Variants in POC1B observed in about 807,000 individuals in gnomAD.
The protein encoded by POC1B is POC1 centriolar protein homolog B.
In POC1B, 44 loss-of-function variants were observed where a neutral mutation model predicts 60.6. That is an observed-to-expected ratio of 0.73 (90% CI 0.57 to 0.93). The LOEUF (loss-of-function observed/expected upper bound fraction) is 0.93. Ranked by LOEUF, POC1B falls within the 40% of genes least tolerant of loss-of-function variation. The pLI is 0.00. For synonymous variants in POC1B, 180 were observed against 198.9 expected, an observed-to-expected ratio of 0.90 and a Z score of 0.80; for missense variants, 555 against 572.3, an observed-to-expected ratio of 0.97 and a Z score of 0.31.
intron 10 of POC1B, chr12:89,428,231 T>C (rs1401018624): frequency 2.6e-5 from 4 of 152,326 alleles, no homozygotes; most frequent in Non-Finnish European, 5.9e-5. Context: ...AAACATTGCT[T>C]CTGCTCTGCC....
chr12:89,501,774 G>A, intron 2 of POC1B: 2 of 981,906 alleles, frequency 2.0e-6, no homozygotes, highest in Non-Finnish European at 1.6e-6. Flanking sequence ...ACAACAGTAG[G>A]CAAAAATCTG....
chr12:89,447,886 A>T (rs1334000690), intron 10 of POC1B, among the ~76,000 whole-genome samples: 1 of 152,088 alleles, frequency 6.6e-6, no homozygotes, highest in East Asian at 1.9e-4. Context: ...CAGCTCTATG[A>T]TATAATCAGT....
In POC1B at chr12:89,521,098, A is replaced by ATTTTTTT. The variant is rs201411448; in HGVS notation, c.100+4021_100+4022insAAAAAAA. Reference sequence around the variant, plus strand: ...CACTTCAGGTGAGTTCAGCTCACTTATTTTATTATTATTTTTTTTTTTTGA... The same window carrying ATTTTTTT: ...CACTTCAGGTGAGTTCAGCTCACTTATTTTTTTTTTTATTATTATTTTTTTTTTTTGA... On this transcript the variant is annotated intron_variant, in intron 2 of 11. Coordinates refer to ENST00000313546, the MANE Select transcript of POC1B (RefSeq NM_172240.3). 5.3e-5 allele frequency: 6 copies of ATTTTTTT among 113,248 alleles called. 2 individuals carry two copies. The highest frequency in any genetic ancestry group is 1.0e-4 in the African/African-American group (3 of 28,634). 7.0% of individuals were successfully genotyped at this position (113,248 alleles called of 1,614,324 possible). A position where few individuals can be genotyped will look rare whatever the true frequency, so the allele number is the denominator to read the frequency against.
intron 10 of POC1B, among the ~76,000 whole-genome samples, chr12:89,439,218 T>C (rs561608474): frequency 6.6e-6 from 1 of 152,326 alleles, no homozygotes; most frequent in Non-Finnish European, 1.5e-5. Context: ...TGAAAACGCC[T>C]GCATGCCTGA....
At chr12:89,511,295 C>T (rs1334848357) in intron 2 of POC1B, among the ~76,000 whole-genome samples, 1 of 151,538 alleles carries the variant, frequency 6.6e-6, no homozygotes, top group East Asian at 2.0e-4. Context: ...CACTGTGTTG[C>T]ACACCAGCTA....
intron 2 of POC1B, among the ~76,000 whole-genome samples, chr12:89,505,622 G>A (rs1869856126): frequency 6.6e-6 from 1 of 152,172 alleles, no homozygotes; most frequent in Non-Finnish European, 1.5e-5. Context: ...TGCTGGTAAT[G>A]TTATGCTTCT....
intron 2 of POC1B, chr12:89,523,210 G>GC (rs759235630): frequency 8.1e-6 from 13 of 1,613,962 alleles, no homozygotes; most frequent in Non-Finnish European, 5.1e-6. Context: ...ACTGCGAATA[G>GC]CCCCATGCCA....
At chr12:89,429,449 G>A (rs1880931369) in intron 10 of POC1B, 1 of 152,146 alleles carries the variant, frequency 6.6e-6, no homozygotes, top group Non-Finnish European at 1.5e-5. Flanking sequence ...AGGTACAAAG[G>A]GAAAAACATG....
At chr12:89,423,754 C>T (rs1196349192) in intron 11 of POC1B, among the ~76,000 whole-genome samples, 3 of 152,228 alleles carry the variant, frequency 2.0e-5, no homozygotes, top group South Asian at 2.1e-4. Flanking sequence ...AATCCATCCC[C>T]TAAAAATTAA....
At chr12:89,474,609 A>G (rs1233159024) in intron 4 of POC1B, among the ~76,000 whole-genome samples, 4 of 152,348 alleles carry the variant, frequency 2.6e-5, no homozygotes, top group South Asian at 2.1e-4. Flanking sequence ...ACAGAGGCAC[A>G]TAAAGGATAA....
At chr12:89,464,729 G>A (rs548111154) in intron 9 of POC1B, among the ~76,000 whole-genome samples, 35 of 148,104 alleles carry the variant, frequency 2.4e-4, no homozygotes, top group African/African-American at 7.7e-4. Context: ...ATCATTAGCC[G>A]CCCACCTCGG....
Position 89,526,035 on chromosome 12 carries a change from C to T in POC1B, c.-140G>A, listed in dbSNP as rs754711580. ...CAGCGCCTCCCGGTCACTACAACAA[C>T]GGCGGCCCAGTCAAACCCCGCGCTC... On this transcript the variant is annotated 5_prime_UTR_variant, in exon 1 of 12. Coordinates refer to ENST00000313546, the MANE Select transcript of POC1B (RefSeq NM_172240.3). 4.6e-6 allele frequency: 7 copies of T among 1,535,008 alleles called. No homozygotes were observed. Among genetic ancestry groups the T allele is most frequent in the Non-Finnish European group, 6.1e-6 (7 of 1,145,466 alleles).
At chr12:89,522,222 A>G (rs928365742) in intron 2 of POC1B, 1 of 398,472 alleles carries the variant, frequency 2.5e-6, no homozygotes, top group African/African-American at 2.1e-5. Flanking sequence ...AAAGGCCTCC[A>G]AACTCACACT....
intron 2 of POC1B, among the ~76,000 whole-genome samples, chr12:89,508,825 C>T (rs1047843192): frequency 6.6e-6 from 1 of 152,250 alleles, no homozygotes; most frequent in Non-Finnish European, 1.5e-5. Context: ...CTTGTCTCTC[C>T]TGCTGCCATG....
chr12:89,505,616 G>T (rs941928053), intron 2 of POC1B, among the ~76,000 whole-genome samples: 11 of 152,264 alleles, frequency 7.2e-5, no homozygotes, highest in African/African-American at 2.6e-4. Context: ...CGGAGATGCT[G>T]GTAATGTTAT....
At chr12:89,480,427 TC>T (rs1351479583) in intron 4 of POC1B, among the ~76,000 whole-genome samples, 1 of 151,004 alleles carries the variant, frequency 6.6e-6, no homozygotes, top group Non-Finnish European at 1.5e-5. Context: ...AATTTATAAT[TC>T]TTTTTTTTTT....
intron 2 of POC1B, among the ~76,000 whole-genome samples, chr12:89,512,277 A>C (rs1870227296): frequency 6.6e-6 from 1 of 152,368 alleles, no homozygotes; most frequent in South Asian, 2.1e-4. Flanking sequence ...GATACTAAGT[A>C]ATTAGCTTGC....
At chr12:89,497,054 C>A in intron 3 of POC1B, 117 bp downstream of exon 3, 1 of 1,030,862 alleles carries the variant, frequency 9.7e-7, no homozygotes, top group Non-Finnish European at 1.4e-6. Flanking sequence ...GGGCAGCATG[C>A]CTTTTATGTG....
At chr12:89,476,747 T>C (rs977677829) in intron 4 of POC1B, among the ~76,000 whole-genome samples, 1 of 128,708 alleles carries the variant, frequency 7.8e-6, no homozygotes, top group African/African-American at 2.9e-5. Flanking sequence ...GATAGATAGA[T>C]AGATAGATAG....
Sources: allele counts gnomAD v4.1 joint callset (sites outside exome capture counted in the v4.1 genomes callset), GRCh38; gene constraint gnomAD v4.1.1; transcripts MANE v1.5; gene names NCBI Gene and HGNC (gene_info 2026-07-23, HGNC 2026-07-21).